The following ZFTRAF1 variants were observed in gnomAD, a reference collection of about 807,000 sequenced individuals.
The protein encoded by ZFTRAF1 is zinc finger TRAF-type and ring finger containing 1.
chr8:144,450,421 C>T, the ZFTRAF1 span: 3 of 717,792 alleles, frequency 4.2e-6, no homozygotes, highest in Non-Finnish European at 5.2e-6. Context: ...GGTTGATGTT[C>T]TTGGCAGCCA....
At chr8:144,460,411 T>G in the ZFTRAF1 span, among the ~76,000 whole-genome samples, 3 of 152,214 alleles carry the variant, frequency 2.0e-5, no homozygotes, top group African/African-American at 7.2e-5. Flanking sequence ...CATCACTCTG[T>G]GCCGGGCCAG....
the ZFTRAF1 span, chr8:144,462,526 AGCCGCC>A: frequency 3.5e-5 from 5 of 143,610 alleles, no homozygotes; most frequent in Non-Finnish European, 7.3e-5. Context: ...CCTCGCCCAG[AGCCGCC>A]GCCGCCGCCT....
At chr8:144,452,948 C>T in the ZFTRAF1 span, among the ~76,000 whole-genome samples, 37 of 152,238 alleles carry the variant, frequency 2.4e-4, 1 homozygote, top group Non-Finnish European at 4.0e-4. Flanking sequence ...GCGTTGGACA[C>T]GCTGTCCTGG....
the ZFTRAF1 span, chr8:144,462,343 C>T: frequency 2.0e-6 from 1 of 508,450 alleles, no homozygotes; most frequent in Non-Finnish European, 3.6e-6. Flanking sequence ...CCGAGTAGAG[C>T]CGCTCCTCCA....
the ZFTRAF1 span, chr8:144,451,108 A>G: frequency 7.1e-6 from 2 of 283,430 alleles, no homozygotes; most frequent in Non-Finnish European, 1.4e-5. Flanking sequence ...GTAAGCAGAC[A>G]CACAGACAGG....
At chr8:144,458,443 C>T in the ZFTRAF1 span, among the ~76,000 whole-genome samples, 27 of 152,330 alleles carry the variant, frequency 1.8e-4, 1 homozygote, top group Middle Eastern at 0.01. Context: ...CCTCAAAGAA[C>T]GAGTCAGCTG....
chr8:144,454,514 T>G, the ZFTRAF1 span: 2 of 152,268 alleles, frequency 1.3e-5, no homozygotes, highest in Non-Finnish European at 2.9e-5. Context: ...AGGGGAGCAG[T>G]CAGCAGAGTT....
chr8:144,452,347 G>C, the ZFTRAF1 span: 3 of 1,547,228 alleles, frequency 1.9e-6, no homozygotes, highest in Non-Finnish European at 2.6e-6. Flanking sequence ...AGCAGGCGGC[G>C]GGGCGCCTCA....
At chr8:144,462,374 G>A in the ZFTRAF1 span, 6 of 469,792 alleles carry the variant, frequency 1.3e-5, no homozygotes, top group East Asian at 3.8e-5. Context: ...GCCGGCCGCC[G>A]CCGCCGCCGC....
chr8:144,458,102 C>T, the ZFTRAF1 span, among the ~76,000 whole-genome samples: 1 of 152,246 alleles, frequency 6.6e-6, no homozygotes, highest in Non-Finnish European at 1.5e-5. Context: ...CCTAACCTCC[C>T]GAATCAAACA....
At chr8:144,449,938 C>T in the ZFTRAF1 span, 1 of 191,268 alleles carries the variant, frequency 5.2e-6, no homozygotes, top group East Asian at 1.2e-4. Flanking sequence ...AAGTACGAAA[C>T]AAGGCTGCCT....
the ZFTRAF1 span, chr8:144,453,441 A>T: frequency 6.4e-7 from 1 of 1,551,104 alleles, no homozygotes; most frequent in East Asian, 2.4e-5. Context: ...GCCAGCGCAC[A>T]TCAAGTGACC....
the ZFTRAF1 span, chr8:144,451,768 C>A: frequency 6.0e-6 from 1 of 167,744 alleles, no homozygotes; most frequent in Non-Finnish European, 1.3e-5. Flanking sequence ...CAGAGAGCCA[C>A]GAGATCCAGT....
the ZFTRAF1 span, chr8:144,457,772 A>C: frequency 6.6e-6 from 1 of 152,142 alleles, no homozygotes; most frequent in Non-Finnish European, 1.5e-5. Flanking sequence ...TGGTCAGCTG[A>C]CCTTGTAGGA....
the ZFTRAF1 span, chr8:144,450,078 C>G: frequency 2.4e-6 from 1 of 416,362 alleles, no homozygotes. Context: ...GGTCGCTGTG[C>G]CTCTCGGCCT....
At chr8:144,462,701 T>G in the ZFTRAF1 span, 1 of 137,314 alleles carries the variant, frequency 7.3e-6, no homozygotes. Context: ...CTCCCCCGAC[T>G]AGAAGTTAGG....
the ZFTRAF1 span, chr8:144,454,920 A>G: frequency 3.3e-5 from 5 of 152,298 alleles, no homozygotes; most frequent in Non-Finnish European, 5.9e-5. Context: ...AAGGACCTAC[A>G]TGTGGAGAAC....
chr8:144,452,310 C>G, the ZFTRAF1 span: 2 of 1,537,974 alleles, frequency 1.3e-6, no homozygotes, highest in Non-Finnish European at 1.7e-6. Flanking sequence ...GGCTGCCAGC[C>G]CCCCAACCCA....
the ZFTRAF1 span, among the ~76,000 whole-genome samples, chr8:144,461,362 G>A: frequency 6.6e-6 from 1 of 152,238 alleles, no homozygotes; most frequent in Non-Finnish European, 1.5e-5. Flanking sequence ...GAAAGACACA[G>A]GGAAGGTGGG....
Sources: allele counts gnomAD v4.1 joint callset (sites outside exome capture counted in the v4.1 genomes callset), GRCh38; gene constraint gnomAD v4.1.1; transcripts MANE v1.5; gene names NCBI Gene and HGNC (gene_info 2026-07-23, HGNC 2026-07-21).